The following LRTM2 variants were observed in gnomAD, a reference collection of about 807,000 sequenced individuals.
The protein encoded by LRTM2 is leucine rich repeat transmembrane protein 2.
LRTM2 carries 18 observed loss-of-function variants against 28.1 expected under a neutral mutation model. That is an observed-to-expected ratio of 0.64 (90% confidence interval 0.44 to 0.95). The LOEUF (loss-of-function observed/expected upper bound fraction) is 0.95, where lower values mean the gene tolerates loss of function less well. LRTM2 is among the 40% of genes least tolerant of loss of function. LRTM2 has a pLI of 0.00. For missense variants in LRTM2, 436 were observed against 497.2 expected (o/e 0.88, Z 1.17); for synonymous variants, 250 against 218.7 (o/e 1.14, Z -1.26).
At chr12:1,825,679 T>C (rs1303642467) in intron 1 of LRTM2, among the ~76,000 whole-genome samples, 1 of 152,206 alleles carries the variant, frequency 6.6e-6, no homozygotes. Flanking sequence ...TGTGTTTGCA[T>C]CACGTGCTGT....
rs777610212 is a variant in LRTM2, at chr12:1,828,238, AG to A, written c.67+29del. 3.6e-4 allele frequency: 483 copies of A among 1,331,378 alleles called. No homozygotes were observed. Among genetic ancestry groups the A allele is most frequent in the African/African-American group, 9.2e-4 (63 of 68,630 alleles). 82.5% of individuals were successfully genotyped at this position (1,331,378 alleles called of 1,614,324 possible). On this transcript the variant is annotated intron_variant, in intron 3 of 4. Transcript: ENST00000299194. This position sits in a 1 kb window ranked among gnomAD's most constrained non-coding sequence, Gnocchi z 4.2. Reference sequence around the variant, plus strand: ...CCTGTGAGTACACCCCTGGCCTCGGAGGGGGGTGCGGGTTGGGTGGGGGTGC... The same window carrying A: ...CCTGTGAGTACACCCCTGGCCTCGGAGGGGGTGCGGGTTGGGTGGGGGTGC...
At chr12:1,830,030 G>A (rs1451257076) in intron 3 of LRTM2, among the ~76,000 whole-genome samples, 1 of 152,216 alleles carries the variant, frequency 6.6e-6, no homozygotes, top group Non-Finnish European at 1.5e-5. Context: ...AGGACCCCAT[G>A]CTCGCTACGC....
intron 2 of LRTM2, chr12:1,827,857 C>T (rs73046076): frequency 0.056 from 20,723 of 367,802 alleles, 651 homozygotes; most frequent in East Asian, 0.093. Context: ...GCACTGTGCC[C>T]GACCCTCGGG....
intron 4 of LRTM2, among the ~76,000 whole-genome samples, chr12:1,831,753 A>T (rs367860209): frequency 3.1e-5 from 2 of 64,480 alleles, no homozygotes; most frequent in African/African-American, 5.9e-5. Context: ...CTCCACCCCC[A>T]CCCTCCCCTC....
rs1158232995 is a variant in LRTM2, at chr12:1,828,200, T to C, written c.52T>C (p.Trp18Arg). The C allele has an allele frequency of 2.6e-6, 4 of 1,546,430 alleles. No homozygotes were observed. The highest frequency in any genetic ancestry group is 3.5e-6 in the Non-Finnish European group (4 of 1,145,222). ...PGQRGRLALQ[W>R]RQVSWITCWI... Reference sequence around the variant, plus strand: ...GCAGAGGGGCAGGCTCGCCCTGCAGTGGAGGCAAGTCTCCTGTGAGTACAC... The same window carrying C: ...GCAGAGGGGCAGGCTCGCCCTGCAGCGGAGGCAAGTCTCCTGTGAGTACAC... The change falls in exon 3 of 5, where the codon TGG (tryptophan) becomes CGG (arginine). Residue 18 changes from tryptophan (W) to arginine (R), a missense_variant. Transcript: ENST00000299194. The surrounding 1 kb of genome is among the most constrained non-coding windows in gnomAD (Gnocchi z 4.2).
At position 1,821,219 on chromosome 12, in the gene LRTM2, GGGAT is replaced by G. The variant is rs562100606; in HGVS notation, c.-259+408_-259+411del. Among the ~76,000 whole-genome samples the G allele has an allele frequency of 8.5e-5, 13 of 152,340 alleles. 1 individual carries two copies. In the South Asian group the frequency reaches 2.7e-3, roughly 32 times the overall value. ...AACTCGGGGGTCATGGGAAGCGGTTGGGATGGCAGTCAGGTGCTGGGGACAGGGC... is the reference window on the plus strand; with the variant it reads ...AACTCGGGGGTCATGGGAAGCGGTTGGGCAGTCAGGTGCTGGGGACAGGGC... On this transcript the variant is annotated intron_variant, in intron 1 of 4. Transcript: ENST00000299194.
At chr12:1,824,837 C>G (rs1337442206) in intron 1 of LRTM2, among the ~76,000 whole-genome samples, 1 of 152,136 alleles carries the variant, frequency 6.6e-6, no homozygotes. Flanking sequence ...TGCAGCCCCA[C>G]CTCTCTCTAG....
At position 1,827,397 on chromosome 12, in the gene LRTM2, C is replaced by T. The variant is rs116885675; in HGVS notation, c.-258-13C>T. On this transcript the variant is annotated splice_polypyrimidine_tract_variant and intron_variant, in intron 1 of 4. Coordinates refer to ENST00000299194, the MANE Select transcript of LRTM2 (RefSeq NM_001039029.3). ...TTCTCACCTCTCCTTGTGTCCCTGT[C>T]TCTTCCTAGCAGCTGCCGCAGCATG... is the stretch of plus-strand genomic sequence containing the variant. 138 of 152,988 alleles carry T rather than the reference C, an allele frequency of 9.0e-4. No individual in the cohort carries two copies. The highest frequency in any genetic ancestry group is 1.6e-3 in the Non-Finnish European group (109 of 68,270). 9.5% of individuals were successfully genotyped at this position (152,988 alleles called of 1,614,324 possible). A position where few individuals can be genotyped will look rare whatever the true frequency, so the allele number is the denominator to read the frequency against.
rs1864706589 is a variant in LRTM2, at chr12:1,833,209, T to C, written c.659-1058T>C. ...CATCGGCATCCCAGGGAAAGATTGATGCCTATTGTATGAGGAGACTTGCGG... is the reference window on the plus strand; with the variant it reads ...CATCGGCATCCCAGGGAAAGATTGACGCCTATTGTATGAGGAGACTTGCGG... On this transcript the variant is annotated intron_variant, in intron 4 of 4. Coordinates refer to ENST00000299194, the MANE Select transcript of LRTM2 (RefSeq NM_001039029.3). The surrounding 1 kb of genome is among the most constrained non-coding windows in gnomAD (Gnocchi z 4.2). Among the ~76,000 whole-genome samples, 1 of 152,258 alleles carries C rather than the reference T, an allele frequency of 6.6e-6. No homozygotes were observed. The highest frequency in any genetic ancestry group is 2.4e-5 in the African/African-American group (1 of 41,480).
At chr12:1,824,141 C>T (rs914320820) in intron 1 of LRTM2, among the ~76,000 whole-genome samples, 1 of 152,210 alleles carries the variant, frequency 6.6e-6, no homozygotes, top group African/African-American at 2.4e-5. Context: ...TCCCAGTTAG[C>T]TTCTCAGTGG....
In LRTM2 at chr12:1,834,371, G is replaced by A; in HGVS notation, c.763G>A (p.Asp255Asn). Residue 255 changes from aspartate (D) to asparagine (N), a missense_variant, in exon 5 of 5, where the codon GAC (aspartate) becomes AAC (asparagine). Asp to Asn is a conservative substitution (Grantham distance 23). Transcript: ENST00000299194. This position sits in a 1 kb window ranked among gnomAD's most constrained non-coding sequence, Gnocchi z 7.6. ...EMFNYCSQLE[D>N]ENSSAGLDIP... ...GTTCAACTACTGCTCCCAGCTGGAGGACGAGAATAGCTCAGCTGGGCTGGA... is the reference window on the plus strand; with the variant it reads ...GTTCAACTACTGCTCCCAGCTGGAGAACGAGAATAGCTCAGCTGGGCTGGA... 7 of 1,613,180 alleles carry A rather than the reference G, an allele frequency of 4.3e-6. No individual in the cohort carries two copies. The highest frequency in any genetic ancestry group is 5.1e-6 in the Non-Finnish European group (6 of 1,180,010).
In LRTM2 at chr12:1,829,042, G is replaced by A. The variant is rs1033437748; in HGVS notation, c.67+827G>A. The stretch of plus-strand genomic sequence containing the variant: ...AGCCTGAATTATTCACCATGTGAGA[G>A]AGGCTGGCCCCTGAGTGACTCAGAT... On this transcript the variant is annotated intron_variant, in intron 3 of 4. Transcript: ENST00000299194. This position sits in a 1 kb window ranked among gnomAD's most constrained non-coding sequence, Gnocchi z 4.2. Among the ~76,000 whole-genome samples, 3 of 152,208 alleles carry A rather than the reference G, an allele frequency of 2.0e-5. No individual in the cohort carries two copies. Among genetic ancestry groups the A allele is most frequent in the African/African-American group, 7.2e-5 (3 of 41,450 alleles).
rs564490319 is a variant in LRTM2, at chr12:1,822,464, A to AGCCCCAGGGACACCACCCTGAGCCCG, written c.-259+1660_-259+1685dup. 4.6e-5 allele frequency among the ~76,000 whole-genome samples: 7 copies of AGCCCCAGGGACACCACCCTGAGCCCG among 151,562 alleles called. 1 individual carries two copies. The South Asian group carries it at 8.3e-4, about 18-fold the overall frequency. ...TGCCTGGGAATACCACCCTGAGCCC[A>AGCCCCAGGGACACCACCCTGAGCCCG]GCCCCAGGGACACCACCCTGAGCCC... On this transcript the variant is annotated intron_variant, in intron 1 of 4. Coordinates refer to ENST00000299194, the MANE Select transcript of LRTM2 (RefSeq NM_001039029.3).
At chr12:1,826,934 C>T (rs1350768365) in intron 1 of LRTM2, among the ~76,000 whole-genome samples, 2 of 152,216 alleles carry the variant, frequency 1.3e-5, no homozygotes, top group South Asian at 4.1e-4. Flanking sequence ...CTTTTTCACT[C>T]TGATATTGTC....
chr12:1,822,224 T>G (rs1192934300), intron 1 of LRTM2: 1 of 152,182 alleles, frequency 6.6e-6, no homozygotes, highest in Non-Finnish European at 1.5e-5. Flanking sequence ...AGGAGCAAAC[T>G]CTGCTCCCGT....
In LRTM2 at chr12:1,834,185, C is replaced by T. The variant is rs926574857; in HGVS notation, c.659-82C>T. Reference sequence around the variant, plus strand: ...GATAAAAACTACCTTCTGGGGCTTCCGTTTTGGGGAGCTGGGGATGGGGAG... The same window carrying T: ...GATAAAAACTACCTTCTGGGGCTTCTGTTTTGGGGAGCTGGGGATGGGGAG... On this transcript the variant is annotated intron_variant, in intron 4 of 4. Coordinates refer to ENST00000299194, the MANE Select transcript of LRTM2 (RefSeq NM_001039029.3). This position sits in a 1 kb window ranked among gnomAD's most constrained non-coding sequence, Gnocchi z 7.6. 6.1e-6 allele frequency: 9 copies of T among 1,466,792 alleles called. No homozygotes were observed. The highest frequency in any genetic ancestry group is 1.4e-5 in the African/African-American group (1 of 70,706). 90.9% of individuals were successfully genotyped at this position (1,466,792 alleles called of 1,614,324 possible). A position where few individuals can be genotyped will look rare whatever the true frequency, so the allele number is the denominator to read the frequency against.
rs146826101 is a variant in LRTM2, at chr12:1,831,217, A to G, written c.350A>G (p.Asn117Ser). Residue 117 changes from asparagine to serine, a missense_variant, in exon 4 of 5, where the codon AAT becomes AGT. Physicochemically the swap from Asn to Ser is conservative, Grantham distance 46 (BLOSUM62 1). Coordinates refer to ENST00000299194, the MANE Select transcript of LRTM2 (RefSeq NM_001039029.3). ...LPRSIFGDLT[N>S]LTELQLRNNS... Reference sequence around the variant, plus strand: ...CGCTCCATTTTCGGGGACCTGACGAATCTGACTGAGCTTCAGCTGCGCAAT... The same window carrying G: ...CGCTCCATTTTCGGGGACCTGACGAGTCTGACTGAGCTTCAGCTGCGCAAT... The G allele has an allele frequency of 1.2e-6, 2 of 1,613,732 alleles. No homozygotes were observed. Among genetic ancestry groups the G allele is most frequent in the African/African-American group, 2.7e-5 (2 of 74,930 alleles).
rs765372432 is a variant in LRTM2 at position 1,831,215 on chromosome 12, G to A, written c.348G>A (p.Thr116=). Residue 116 remains threonine, a synonymous_variant, in exon 4 of 5, where the codon ACG becomes ACA. Transcript: ENST00000299194. ...RLPRSIFGDL[T]NLTELQLRNN... ...CCCGCTCCATTTTCGGGGACCTGAC[G>A]AATCTGACTGAGCTTCAGCTGCGCA... is the stretch of plus-strand genomic sequence containing the variant. The A allele has an allele frequency of 4.0e-5, 65 of 1,613,660 alleles. No homozygotes were observed. Among genetic ancestry groups the A allele is most frequent in the Non-Finnish European group, 5.1e-5 (60 of 1,180,030 alleles).
At position 1,831,015 on chromosome 12, in the gene LRTM2, C is replaced by G. The variant is rs1203840551; in HGVS notation, c.148C>G (p.Leu50Val). 5.0e-6 allele frequency: 8 copies of G among 1,614,032 alleles called. No homozygotes were observed. The South Asian group carries it at 8.8e-5, about 18-fold the overall frequency. Residue 50 changes from leucine to valine, a missense_variant, in exon 4 of 5, where the codon CTG becomes GTG. Coordinates refer to ENST00000299194, the MANE Select transcript of LRTM2 (RefSeq NM_001039029.3). ...PFSCKCDSRS[L>V]EVDCSGLGLT... is the part of the protein sequence containing the mutation. ...CTCCTGCAAGTGTGACAGCCGCAGC[C>G]TGGAGGTGGACTGCAGTGGCCTTGG... is the stretch of plus-strand genomic sequence containing the variant.
Sources: gnomAD v4.1 joint callset for allele counts (sites outside exome capture counted in the v4.1 genomes callset) on GRCh38, gnomAD v4.1.1 for gene constraint, Gnocchi (gnomAD v3.1) non-coding constraint, MANE v1.5 for transcripts, NCBI Gene and HGNC (gene_info 2026-07-23, HGNC 2026-07-21) for gene names.